FGF12: variants seen among roughly 807,000 people sequenced by gnomAD.
FGF12 encodes fibroblast growth factor 12B.
Under a neutral mutation model 23.6 loss-of-function variants are expected in FGF12, and 14 were observed. That is an observed-to-expected ratio of 0.59 (90% CI 0.39 to 0.93). The LOEUF (loss-of-function observed/expected upper bound fraction) is 0.93, where lower values mean the gene tolerates loss of function less well. FGF12 is among the 40% of genes least tolerant of loss of function. The pLI is 0.00. For synonymous variants in FGF12, 62 were observed against 77.3 expected (o/e 0.80, Z 1.04); for missense variants, 175 against 217.8 (o/e 0.80, Z 1.24).
At chr3:192,242,887 A>G (rs1719694126) in intron 4 of FGF12, among the ~76,000 whole-genome samples, 1 of 152,080 alleles carries the variant, frequency 6.6e-6, no homozygotes, top group South Asian at 2.1e-4. Context: ...CTGGAAAGAA[A>G]AGTATATTTT....
At chr3:192,278,095 A>G (rs182405609) in intron 4 of FGF12, among the ~76,000 whole-genome samples, 12 of 152,256 alleles carry the variant, frequency 7.9e-5, no homozygotes, top group Admixed American at 7.8e-4. Flanking sequence ...GCTGTTACCA[A>G]TCAGTCAGCT....
At chr3:192,503,052 A>C (rs1376252642) in intron 2 of FGF12, among the ~76,000 whole-genome samples, 3 of 152,218 alleles carry the variant, frequency 2.0e-5, no homozygotes, top group Admixed American at 2.0e-4. Flanking sequence ...AGCGGTTCTG[A>C]GTTTTCGAGG....
chr3:192,283,392 G>T (rs368531293), intron 4 of FGF12, among the ~76,000 whole-genome samples: 1 of 152,020 alleles, frequency 6.6e-6, no homozygotes, highest in African/African-American at 2.4e-5. Flanking sequence ...ACATCAGAGA[G>T]GCAACTAAAC....
chr3:192,393,054 A>C (rs1197985509), intron 2 of FGF12, among the ~76,000 whole-genome samples: 1 of 152,204 alleles, frequency 6.6e-6, no homozygotes. Flanking sequence ...TCTATTTATG[A>C]GTATTCATAG....
chr3:192,686,587 A>G (rs1329153393), intron 2 of FGF12, among the ~76,000 whole-genome samples: 2 of 152,092 alleles, frequency 1.3e-5, no homozygotes, highest in Non-Finnish European at 2.9e-5. Flanking sequence ...TACTTAAGGT[A>G]GTATTTCCTT....
intron 2 of FGF12, among the ~76,000 whole-genome samples, chr3:192,529,441 T>C (rs1725033544): frequency 1.3e-5 from 2 of 152,136 alleles, no homozygotes; most frequent in African/African-American, 4.8e-5. Context: ...CTCTAGGGAG[T>C]TCCAAACTGT....
intron 2 of FGF12, among the ~76,000 whole-genome samples, chr3:192,679,950 T>A (rs1483072904): frequency 6.6e-6 from 1 of 152,186 alleles, no homozygotes; most frequent in East Asian, 1.9e-4. Flanking sequence ...TGACACCAGG[T>A]GTATGCCTGA....
intron 2 of FGF12, among the ~76,000 whole-genome samples, chr3:192,424,084 T>C (rs1285818542): frequency 9.1e-6 from 1 of 110,480 alleles, no homozygotes; most frequent in Non-Finnish European, 2.2e-5. Context: ...TTATAAAGTC[T>C]TCAAAAAAAA....
At chr3:192,165,111 A>G (rs1340465762) in intron 5 of FGF12, among the ~76,000 whole-genome samples, 1 of 151,830 alleles carries the variant, frequency 6.6e-6, no homozygotes, top group African/African-American at 2.4e-5. Context: ...GTACCACCAC[A>G]CCTGGCTAAT....
intron 2 of FGF12, among the ~76,000 whole-genome samples, chr3:192,384,989 T>C (rs180690109): frequency 6.6e-6 from 1 of 152,268 alleles, no homozygotes; most frequent in African/African-American, 2.4e-5. Flanking sequence ...TAGCAACAGA[T>C]AGGTAAATAA....
At chr3:192,587,982 C>T (rs1483674003) in intron 2 of FGF12, among the ~76,000 whole-genome samples, 1 of 151,788 alleles carries the variant, frequency 6.6e-6, no homozygotes, top group East Asian at 1.9e-4. Context: ...TATTTCATCA[C>T]TCTATAGACT....
chr3:192,446,044 C>T (rs1722344179), intron 2 of FGF12, among the ~76,000 whole-genome samples: 1 of 152,196 alleles, frequency 6.6e-6, no homozygotes, highest in Non-Finnish European at 1.5e-5. Flanking sequence ...TCAAAAGAGG[C>T]ATTCTTTGTG....
At chr3:192,691,126 A>C (rs1577123826) in intron 2 of FGF12, among the ~76,000 whole-genome samples, 2 of 152,218 alleles carry the variant, frequency 1.3e-5, no homozygotes, top group South Asian at 4.1e-4. Context: ...TGGATAGATT[A>C]TCTAGACAAA....
chr3:192,635,967 A>C (rs2108660229), intron 2 of FGF12, among the ~76,000 whole-genome samples: 1 of 152,308 alleles, frequency 6.6e-6, no homozygotes, highest in South Asian at 2.1e-4. Context: ...TCAAAGATAG[A>C]AATCAGGTGT....
chr3:192,231,921 T>A (rs763552062), intron 4 of FGF12, among the ~76,000 whole-genome samples: 7 of 152,210 alleles, frequency 4.6e-5, no homozygotes, highest in Non-Finnish European at 8.8e-5. Context: ...TCAAAGTCAG[T>A]GCTGCCTGCT....
At chr3:192,598,291 T>A (rs756999326) in intron 2 of FGF12, among the ~76,000 whole-genome samples, 16 of 152,182 alleles carry the variant, frequency 1.1e-4, no homozygotes, top group Non-Finnish European at 1.9e-4. Flanking sequence ...CTATGCATTA[T>A]TGGAAAAGAA....
intron 4 of FGF12, among the ~76,000 whole-genome samples, chr3:192,299,835 A>G (rs1715241774): frequency 6.6e-6 from 1 of 152,192 alleles, no homozygotes; most frequent in South Asian, 2.1e-4. Flanking sequence ...CAAAACACTG[A>G]GCCAGTCATT....
intron 2 of FGF12, among the ~76,000 whole-genome samples, chr3:192,528,611 C>A (rs1396769556): frequency 6.6e-6 from 1 of 152,196 alleles, no homozygotes; most frequent in South Asian, 2.1e-4. Context: ...CCCCACATTT[C>A]CCTTCCACAC....
intron 5 of FGF12, among the ~76,000 whole-genome samples, chr3:192,162,487 T>C (rs906315783): frequency 2.6e-5 from 4 of 152,106 alleles, no homozygotes; most frequent in African/African-American, 9.6e-5. Context: ...TATTAAAGAC[T>C]ACATTCAGAA....
Sources: allele counts gnomAD v4.1 joint callset (sites outside exome capture counted in the v4.1 genomes callset), GRCh38; gene constraint gnomAD v4.1.1; transcripts MANE v1.5; gene names NCBI Gene and HGNC (gene_info 2026-07-23, HGNC 2026-07-21).